The following MDFIC variants were observed in gnomAD, a reference collection of about 807,000 sequenced individuals.
The protein encoded by MDFIC is myoD family inhibitor domain-containing protein.
In MDFIC, 17 loss-of-function variants were observed where a neutral mutation model predicts 23.2. The ratio of observed to expected loss-of-function variants is 0.73; its 90% CI spans 0.50 to 1.10. The LOEUF is 1.10. MDFIC is among the 50% of genes least tolerant of loss of function. The probability of loss-of-function intolerance (pLI) is 0.00; values close to 1 mark genes in which losing one functional copy is unlikely to be tolerated. For missense variants in MDFIC, 356 were observed against 316.6 expected (o/e 1.12, Z -0.95); for synonymous variants, 120 against 115.2 (o/e 1.04, Z -0.27).
At chr7:114,932,665 G>A (rs1430579789) in intron 2 of MDFIC, among the ~76,000 whole-genome samples, 2 of 152,174 alleles carry the variant, frequency 1.3e-5, no homozygotes, top group African/African-American at 4.8e-5. Flanking sequence ...TGCAAAGATG[G>A]TAGAGCCAAA....
At chr7:114,931,306 T>TA (rs1419279344) in intron 2 of MDFIC, among the ~76,000 whole-genome samples, 4 of 152,232 alleles carry the variant, frequency 2.6e-5, no homozygotes, top group Non-Finnish European at 4.4e-5. Flanking sequence ...GGTTTTTACT[T>TA]ACAGTCTACT....
chr7:114,941,213 A>G (rs1792533006), intron 2 of MDFIC, among the ~76,000 whole-genome samples: 1 of 152,246 alleles, frequency 6.6e-6, no homozygotes, highest in African/African-American at 2.4e-5. Flanking sequence ...AAGTGTGCAC[A>G]AATTTATTAA....
intron 3 of MDFIC, among the ~76,000 whole-genome samples, chr7:114,970,197 G>A (rs530762363): frequency 3.1e-4 from 47 of 152,280 alleles, no homozygotes; most frequent in Non-Finnish European, 4.9e-4. Flanking sequence ...CTTGTTTGGG[G>A]ACCTTCATAG....
At chr7:114,988,349 G>A (rs1793548424) in intron 4 of MDFIC, among the ~76,000 whole-genome samples, 1 of 152,122 alleles carries the variant, frequency 6.6e-6, no homozygotes, top group Non-Finnish European at 1.5e-5. Flanking sequence ...CTCTACTAAT[G>A]CACCAAAGTT....
intron 3 of MDFIC, among the ~76,000 whole-genome samples, chr7:114,963,317 G>T (rs1332010895): frequency 6.6e-6 from 1 of 152,094 alleles, no homozygotes; most frequent in African/African-American, 2.4e-5. Context: ...ACATCCAGAG[G>T]ACAGTGTGTG....
chr7:114,971,732 A>AT (rs545545732), intron 3 of MDFIC, among the ~76,000 whole-genome samples: 1 of 151,478 alleles, frequency 6.6e-6, no homozygotes, highest in African/African-American at 2.4e-5. Flanking sequence ...AATATAGTGG[A>AT]TTTTTTTTTC....
At chr7:114,956,360 T>C (rs920775351) in intron 3 of MDFIC, among the ~76,000 whole-genome samples, 11 of 150,534 alleles carry the variant, frequency 7.3e-5, no homozygotes, top group Admixed American at 1.3e-4. Context: ...CACACACACA[T>C]ATATATATAT....
chr7:114,922,981 C>A lies in MDFIC; in HGVS notation c.-53C>A. The A allele has an allele frequency of 1.9e-6, 3 of 1,539,736 alleles. No homozygotes were observed. The highest frequency in any genetic ancestry group is 2.6e-6 in the Non-Finnish European group (3 of 1,144,674). The stretch of plus-strand genomic sequence containing the variant: ...CACAGCCCTTCCTCCGTGCGCCCTG[C>A]CGGGCGGCGAGCTAGGCGGCAGCGG... On this transcript the variant is annotated 5_prime_UTR_variant, in exon 2 of 5. The change creates a premature stop within an existing upstream ORF in the 5' untranslated region. Transcript: ENST00000393486.
At chr7:115,009,713 G>A (rs957938682) in intron 4 of MDFIC, among the ~76,000 whole-genome samples, 1 of 152,184 alleles carries the variant, frequency 6.6e-6, no homozygotes, top group African/African-American at 2.4e-5. Context: ...TAGGCCAGCT[G>A]CCTAAGCGTA....
rs921685871 is a variant in MDFIC at position 114,933,012 on chromosome 7, C to A, written c.95-9263C>A. ...TGAAATGCTCTTACAGATTAAACAACCCCCTTTGATTCAATTTTGATTTCC... is the reference window on the plus strand; with the variant it reads ...TGAAATGCTCTTACAGATTAAACAAACCCCTTTGATTCAATTTTGATTTCC... On this transcript the variant is annotated intron_variant, in intron 2 of 4. Coordinates refer to ENST00000393486, the MANE Select transcript of MDFIC (RefSeq NM_001166345.3). Among the ~76,000 whole-genome samples, 7 of 152,178 alleles carry A rather than the reference C, an allele frequency of 4.6e-5. No homozygotes were observed. The South Asian group carries it at 1.5e-3, about 32-fold the overall frequency.
chr7:114,974,636 A>G (rs1403377928), intron 3 of MDFIC, among the ~76,000 whole-genome samples: 1 of 152,130 alleles, frequency 6.6e-6, no homozygotes, highest in African/African-American at 2.4e-5. Context: ...ACACTATAGC[A>G]AAATGTTGCT....
chr7:114,926,084 T>A (rs1167931121), intron 2 of MDFIC, among the ~76,000 whole-genome samples: 3 of 152,168 alleles, frequency 2.0e-5, no homozygotes, highest in Non-Finnish European at 4.4e-5. Flanking sequence ...TTTGTCCTGG[T>A]TTGATTAAAC....
rs1334038701 is a variant in MDFIC, at chr7:115,018,932, C to T, written c.*2997C>T. On this transcript the variant is annotated 3_prime_UTR_variant, in exon 5 of 5. Coordinates refer to ENST00000393486, the MANE Select transcript of MDFIC (RefSeq NM_001166345.3). ...TCCGTAAATGAACTATGAAAGATATCGATCAGTTTATGATCATTGACATGT... is the reference window on the plus strand; with the variant it reads ...TCCGTAAATGAACTATGAAAGATATTGATCAGTTTATGATCATTGACATGT... 1 of 151,674 alleles carries T rather than the reference C, an allele frequency of 6.6e-6. No individual in the cohort carries two copies. The highest frequency in any genetic ancestry group is 2.4e-5 in the African/African-American group (1 of 41,304). 9.4% of individuals were successfully genotyped at this position (151,674 alleles called of 1,614,324 possible). A position where few individuals can be genotyped will look rare whatever the true frequency, so the allele number is the denominator to read the frequency against.
intron 3 of MDFIC, among the ~76,000 whole-genome samples, chr7:114,966,409 A>G (rs1255067223): frequency 1.4e-5 from 2 of 143,252 alleles, no homozygotes; most frequent in African/African-American, 5.0e-5. Flanking sequence ...GGAAACCAAA[A>G]AAAAAAAAAA....
chr7:114,941,645 G>A (rs1342032877), intron 2 of MDFIC, among the ~76,000 whole-genome samples: 1 of 152,084 alleles, frequency 6.6e-6, no homozygotes, highest in African/African-American at 2.4e-5. Flanking sequence ...TTGCCAGTTT[G>A]CTTTTGGCTT....
At chr7:114,999,217 T>C (rs1206881104) in intron 4 of MDFIC, among the ~76,000 whole-genome samples, 2 of 152,206 alleles carry the variant, frequency 1.3e-5, no homozygotes, top group Admixed American at 1.3e-4. Flanking sequence ...ACAATAATAG[T>C]GTAATACTTT....
At chr7:114,928,242 G>T (rs867319281) in intron 2 of MDFIC, among the ~76,000 whole-genome samples, 2 of 152,036 alleles carry the variant, frequency 1.3e-5, no homozygotes, top group South Asian at 4.1e-4. Flanking sequence ...GAAGGAAGTG[G>T]TTAAAGAAGA....
intron 4 of MDFIC, among the ~76,000 whole-genome samples, chr7:115,002,616 T>C (rs1163431188): frequency 1.3e-5 from 2 of 152,130 alleles, no homozygotes; most frequent in Non-Finnish European, 2.9e-5. Flanking sequence ...CAACTCTCCC[T>C]CCCCCTCAGG....
In MDFIC at chr7:114,939,986, ATC is replaced by A. The variant is rs533641638; in HGVS notation, c.95-2285_95-2284del. On this transcript the variant is annotated intron_variant, in intron 2 of 4. Transcript: ENST00000393486. ...GCCTACTAGTGAGTTTCCATGAAAA[ATC>A]TCTTTTATTGATAATCTCAGAATGA... Among the ~76,000 whole-genome samples, 244 of 152,204 alleles carry A rather than the reference ATC, an allele frequency of 1.6e-3. 1 individual carries two copies. Among genetic ancestry groups the A allele is most frequent in the African/African-American group, 5.6e-3 (233 of 41,542 alleles).
Sources: gnomAD v4.1 joint callset for allele counts (sites outside exome capture counted in the v4.1 genomes callset) on GRCh38, gnomAD v4.1.1 for gene constraint, MANE v1.5 for transcripts, NCBI Gene and HGNC (gene_info 2026-07-23, HGNC 2026-07-21) for gene names.